The following RARB variants were observed in gnomAD, a reference collection of about 807,000 sequenced individuals.
The protein encoded by RARB is HBV-activated protein.
Under a neutral mutation model 51.9 loss-of-function variants are expected in RARB, and 17 were observed. The observed-to-expected ratio is 0.33, with a 90% CI of 0.22 to 0.49. The LOEUF is 0.49. RARB is among the 20% of genes least tolerant of loss of function. The probability of loss-of-function intolerance (pLI) is 0.99; values close to 1 mark genes in which losing one functional copy is unlikely to be tolerated. For missense variants in RARB, 369 were observed against 550.8 expected (o/e 0.67, Z 3.30); for synonymous variants, 215 against 195.4 (o/e 1.10, Z -0.84).
At chr3:25,302,803 TGG>T (rs1277864236) in intron 5 of RARB, among the ~76,000 whole-genome samples, 2 of 152,206 alleles carry the variant, frequency 1.3e-5, no homozygotes, top group East Asian at 3.8e-4. Context: ...CCACCAAAGC[TGG>T]GCTGTGCCCC....
chr3:25,457,884 C>G (rs1694995363), intron 1 of RARB, among the ~76,000 whole-genome samples: 1 of 152,156 alleles, frequency 6.6e-6, no homozygotes, highest in Non-Finnish European at 1.5e-5. Flanking sequence ...CCGCTCCCCA[C>G]CTTCCTTCTG....
At chr3:25,110,963 G>A (rs556520967) in intron 3 of RARB, among the ~76,000 whole-genome samples, 10 of 152,178 alleles carry the variant, frequency 6.6e-5, no homozygotes, top group Non-Finnish European at 1.0e-4. Flanking sequence ...TACAGATCGT[G>A]TACATTTTTA....
chr3:24,924,453 C>T (rs1312721432), intron 2 of RARB, among the ~76,000 whole-genome samples: 2 of 152,152 alleles, frequency 1.3e-5, no homozygotes, highest in African/African-American at 4.8e-5. Context: ...ATGGTAGCCA[C>T]TAGCTAGATA....
intron 3 of RARB, among the ~76,000 whole-genome samples, chr3:25,106,458 G>GTTT (rs1330251701): frequency 3.2e-4 from 34 of 107,836 alleles, no homozygotes; most frequent in East Asian, 9.6e-4. Context: ...TTTGTTTTTT[G>GTTT]TTTTTTTTTG....
Position 25,235,959 on chromosome 3 carries a change from T to G in RARB, c.178+61384T>G, listed in dbSNP as rs184182127. Reference sequence around the variant, plus strand: ...TAAATCAACTCTAGGATTGTAAAAATCAAACATCTCTAGATACTTTATAAG... The same window carrying G: ...TAAATCAACTCTAGGATTGTAAAAAGCAAACATCTCTAGATACTTTATAAG... On this transcript the variant is annotated intron_variant, in intron 5 of 11. Coordinates refer to the RARB transcript ENST00000383772. Among the ~76,000 whole-genome samples the G allele has an allele frequency of 1.1e-3, 163 of 152,272 alleles. 1 individual carries two copies. Among genetic ancestry groups the G allele is most frequent in the African/African-American group, 3.9e-3 (161 of 41,566 alleles).
chr3:24,998,990 C>G (rs1234474697), intron 2 of RARB, among the ~76,000 whole-genome samples: 1 of 152,056 alleles, frequency 6.6e-6, no homozygotes, highest in Admixed American at 6.6e-5. Flanking sequence ...AACTTGGATT[C>G]CAAGAATTTA....
At chr3:24,879,225 T>A (rs544614232) in intron 2 of RARB, among the ~76,000 whole-genome samples, 1 of 151,998 alleles carries the variant, frequency 6.6e-6, no homozygotes, top group Non-Finnish European at 1.5e-5. Flanking sequence ...GTCAGGAGAT[T>A]GAGACCATCC....
rs879005114 is a variant in RARB, at chr3:25,066,704, C to T, written c.-328+6528C>T. Among the ~76,000 whole-genome samples, 4 of 149,496 alleles carry T rather than the reference C, an allele frequency of 2.7e-5. No individual in the cohort carries two copies. The East Asian group carries it at 5.9e-4, about 22-fold the overall frequency. The stretch of plus-strand genomic sequence containing the variant: ...ACATTTTTTTAAAAATCCCCAATTA[C>T]AAAAATACTATATAAACATTGTAGA... On this transcript the variant is annotated intron_variant, in intron 3 of 11. Transcript: ENST00000383772.
chr3:25,341,745 C>T (rs1469440483), intron 5 of RARB, among the ~76,000 whole-genome samples: 1 of 152,092 alleles, frequency 6.6e-6, no homozygotes, highest in Middle Eastern at 3.2e-3. Flanking sequence ...AGGGATGCCA[C>T]TAAACCTCCC....
intron 1 of RARB, among the ~76,000 whole-genome samples, chr3:24,836,029 C>T (rs1229959561): frequency 6.6e-6 from 1 of 152,198 alleles, no homozygotes; most frequent in African/African-American, 2.4e-5. Flanking sequence ...TTGAGTGGCT[C>T]TGCAAATGCT....
intron 1 of RARB, among the ~76,000 whole-genome samples, chr3:25,459,199 A>G (rs1330652974): frequency 6.6e-6 from 1 of 152,218 alleles, no homozygotes; most frequent in Non-Finnish European, 1.5e-5. Flanking sequence ...GAGAGAAATC[A>G]TCTCTGGGAA....
chr3:24,994,110 A>G (rs562941097), intron 2 of RARB, among the ~76,000 whole-genome samples: 1 of 152,184 alleles, frequency 6.6e-6, no homozygotes, highest in Non-Finnish European at 1.5e-5. Flanking sequence ...GTACTAGTTT[A>G]CATTCCCACC....
intron 2 of RARB, among the ~76,000 whole-genome samples, chr3:24,901,268 C>T (rs533828307): frequency 7.2e-5 from 11 of 152,250 alleles, no homozygotes; most frequent in African/African-American, 2.6e-4. Flanking sequence ...TAAAGGAACC[C>T]AGGAGTATTA....
At chr3:25,158,710 T>G (rs1337803217) in intron 4 of RARB, among the ~76,000 whole-genome samples, 2 of 152,224 alleles carry the variant, frequency 1.3e-5, no homozygotes, top group Non-Finnish European at 2.9e-5. Flanking sequence ...ATAACATAGA[T>G]CTGCACATTT....
chr3:24,879,828 T>G (rs898995535), intron 2 of RARB, among the ~76,000 whole-genome samples: 1 of 152,130 alleles, frequency 6.6e-6, no homozygotes, highest in Non-Finnish European at 1.5e-5. Context: ...GATGTGTAGA[T>G]TTTCTTGCAG....
At position 25,369,792 on chromosome 3, in the gene RARB, CAT is replaced by C. The variant is rs1345701714; in HGVS notation, c.179-91400_179-91399del. Among the ~76,000 whole-genome samples, 12 of 152,226 alleles carry C rather than the reference CAT, an allele frequency of 7.9e-5. No homozygotes were observed. In the South Asian group the frequency reaches 2.1e-3, roughly 26 times the overall value. Reference sequence around the variant, plus strand: ...ACAACATTAGCCTGGCATGGTGGCACATGCCTGTAATCCCAGCTACTAGGGAG... The same window carrying C: ...ACAACATTAGCCTGGCATGGTGGCACGCCTGTAATCCCAGCTACTAGGGAG... On this transcript the variant is annotated intron_variant, in intron 5 of 11. Coordinates refer to the RARB transcript ENST00000383772.
chr3:25,010,326 A>G (rs1697367498), intron 2 of RARB, among the ~76,000 whole-genome samples: 1 of 152,140 alleles, frequency 6.6e-6, no homozygotes. Context: ...ATTTTTAAAT[A>G]AACTAAATCA....
intron 2 of RARB, among the ~76,000 whole-genome samples, chr3:24,982,095 C>G (rs1220059480): frequency 6.6e-6 from 1 of 152,226 alleles, no homozygotes; most frequent in Non-Finnish European, 1.5e-5. Flanking sequence ...TCTGCCTCAT[C>G]ACTGCATGCC....
intron 4 of RARB, among the ~76,000 whole-genome samples, chr3:25,150,828 G>T (rs949064106): frequency 4.6e-5 from 7 of 152,180 alleles, no homozygotes; most frequent in Non-Finnish European, 8.8e-5. Context: ...AGACAGGACC[G>T]CAGTGTTGGC....
Sources: allele counts gnomAD v4.1 joint callset (sites outside exome capture counted in the v4.1 genomes callset), GRCh38; gene constraint gnomAD v4.1.1; transcripts MANE v1.5; gene names NCBI Gene and HGNC (gene_info 2026-07-23, HGNC 2026-07-21).